FAM222B: variants seen among roughly 807,000 people sequenced by gnomAD.
FAM222B encodes protein FAM222B.
Under a neutral mutation model 38.0 loss-of-function variants are expected in FAM222B, and 12 were observed. The observed-to-expected ratio is 0.32, with a 90% CI of 0.20 to 0.51. The LOEUF is 0.51. Ranked by LOEUF, FAM222B falls within the 20% of genes least tolerant of loss-of-function variation. The pLI is 0.97. For synonymous variants in FAM222B, 329 were observed against 317.2 expected, an observed-to-expected ratio of 1.04 and a Z score of -0.40; for missense variants, 716 against 754.2, an observed-to-expected ratio of 0.95 and a Z score of 0.59.
chr17:28,813,050 GCGTTGGAGGCATGT>G (rs2037867615), intron 1 of FAM222B, among the ~76,000 whole-genome samples: 1 of 76,434 alleles, frequency 1.3e-5, no homozygotes, highest in African/African-American at 4.8e-5. Flanking sequence ...GGAGGGGGGG[GCGTTGGAGGCATGT>G]TGGGAAAGTA....
intron 1 of FAM222B, among the ~76,000 whole-genome samples, chr17:28,801,250 G>A (rs796739213): frequency 3.3e-5 from 5 of 149,366 alleles, no homozygotes; most frequent in African/African-American, 9.9e-5. Context: ...TCAGGAGATC[G>A]AGACCATCCT....
At chr17:28,774,072 C>T (rs940309059) in intron 1 of FAM222B, among the ~76,000 whole-genome samples, 4 of 152,054 alleles carry the variant, frequency 2.6e-5, no homozygotes, top group South Asian at 2.1e-4. Flanking sequence ...TGAGTGGAGG[C>T]ATTTTATTTA....
chr17:28,846,158 A>G (rs1242581743), upstream of FAM222B, among the ~76,000 whole-genome samples: 6 of 146,856 alleles, frequency 4.1e-5, no homozygotes. Context: ...AGCCGAGACC[A>G]TGCCACTGCA....
intron 1 of FAM222B, among the ~76,000 whole-genome samples, chr17:28,816,181 A>C (rs1238320774): frequency 6.7e-6 from 1 of 150,190 alleles, no homozygotes; most frequent in Non-Finnish European, 1.5e-5. Context: ...GGAGGCTGGG[A>C]CAGGAAAATT....
At chr17:28,760,664 C>A (rs774854758) in intron 2 of FAM222B, among the ~76,000 whole-genome samples, 29 of 152,094 alleles carry the variant, frequency 1.9e-4, no homozygotes, top group Admixed American at 1.2e-3. Flanking sequence ...CTAAGCAAAG[C>A]TCCTTGTCAG....
intron 1 of FAM222B, among the ~76,000 whole-genome samples, chr17:28,852,092 G>T (rs986134928): frequency 6.6e-6 from 1 of 151,892 alleles, no homozygotes; most frequent in Admixed American, 6.6e-5. Context: ...ACGTGGCCTG[G>T]CGCGGTGGCT....
At chr17:28,806,427 T>C (rs1212693610) in intron 1 of FAM222B, among the ~76,000 whole-genome samples, 3 of 152,254 alleles carry the variant, frequency 2.0e-5, no homozygotes, top group South Asian at 4.1e-4. Context: ...ACCAGCCCAG[T>C]ATTTCCTTCC....
At chr17:28,827,376 A>G (rs1051177048) in intron 1 of FAM222B, among the ~76,000 whole-genome samples, 3 of 152,124 alleles carry the variant, frequency 2.0e-5, no homozygotes, top group Non-Finnish European at 2.9e-5. Context: ...AAAAAGAAAA[A>G]GTGAAAAAGG....
chr17:28,842,269 T>G (rs549034026), intron 1 of FAM222B, among the ~76,000 whole-genome samples: 1 of 151,998 alleles, frequency 6.6e-6, no homozygotes, highest in South Asian at 2.1e-4. Context: ...CCGACTCCCA[T>G]CCTCTACCCA....
chr17:28,810,985 C>A (rs1367377987), intron 1 of FAM222B, among the ~76,000 whole-genome samples: 1 of 151,916 alleles, frequency 6.6e-6, no homozygotes, highest in East Asian at 1.9e-4. Context: ...ACCCCAGTTA[C>A]AACAATCGTG....
At chr17:28,841,167 C>T (rs2039024494) in intron 1 of FAM222B, among the ~76,000 whole-genome samples, 1 of 149,132 alleles carries the variant, frequency 6.7e-6, no homozygotes. Flanking sequence ...TGGTGGTGGG[C>T]ATTTGTAATC....
rs866302023 is a variant in FAM222B, at chr17:28,757,944, G to A, written c.*326C>T. On this transcript the variant is annotated 3_prime_UTR_variant, in exon 3 of 3. Coordinates refer to ENST00000581407, the MANE Select transcript of FAM222B (RefSeq NM_001077498.3). ...CATTCCGTCAGCCCACACCTCAGTC[G>A]TCCTAAGGGAAACAGGAAGAGATTC... The A allele has an allele frequency of 1.3e-4, 31 of 242,294 alleles. No individual in the cohort carries two copies. The highest frequency in any genetic ancestry group is 2.4e-4 in the South Asian group (3 of 12,674). The allele number at this position is 242,294 out of a possible 1,614,324, so 15.0% of individuals were successfully genotyped here. A position where few individuals can be genotyped will look rare whatever the true frequency, so the allele number is the denominator to read the frequency against.
At chr17:28,828,311 C>A (rs1473069164) in intron 1 of FAM222B, among the ~76,000 whole-genome samples, 1 of 151,260 alleles carries the variant, frequency 6.6e-6, no homozygotes, top group East Asian at 2.0e-4. Context: ...ACCTGCAACC[C>A]CAGCAGTTTG....
At chr17:28,800,095 G>A (rs542545313) in intron 1 of FAM222B, among the ~76,000 whole-genome samples, 1 of 151,148 alleles carries the variant, frequency 6.6e-6, no homozygotes, top group Non-Finnish European at 1.5e-5. Flanking sequence ...GCCATGGCAC[G>A]ATCTCGGCTC....
At chr17:28,815,439 C>T (rs1360148626) in intron 1 of FAM222B, among the ~76,000 whole-genome samples, 5 of 151,906 alleles carry the variant, frequency 3.3e-5, no homozygotes, top group South Asian at 2.1e-4. Flanking sequence ...TGATCTCGAT[C>T]TCTTGACCTC....
chr17:28,785,332 T>C (rs2036356053), intron 1 of FAM222B, among the ~76,000 whole-genome samples: 1 of 152,226 alleles, frequency 6.6e-6, no homozygotes. Context: ...ATGACTGTTA[T>C]CTATATTCTA....
chr17:28,786,490 A>G (rs886654696), intron 1 of FAM222B, among the ~76,000 whole-genome samples: 3 of 152,222 alleles, frequency 2.0e-5, no homozygotes, highest in Admixed American at 6.5e-5. Flanking sequence ...ATCCTAGCAC[A>G]GAAAACCCTT....
chr17:28,766,984 G>C, intron 1 of FAM222B: 1 of 307,508 alleles, frequency 3.3e-6, no homozygotes, highest in Non-Finnish European at 6.2e-6. Context: ...AAGTACAGGT[G>C]CATTTATAAT....
At chr17:28,783,276 A>C (rs775301318) in intron 1 of FAM222B, among the ~76,000 whole-genome samples, 4 of 152,176 alleles carry the variant, frequency 2.6e-5, no homozygotes, top group African/African-American at 7.2e-5. Context: ...TGTGGTAGCA[A>C]GGACAAGTCA....
Sources: gnomAD v4.1 joint callset for allele counts (sites outside exome capture counted in the v4.1 genomes callset) on GRCh38, gnomAD v4.1.1 for gene constraint, MANE v1.5 for transcripts, NCBI Gene and HGNC (gene_info 2026-07-23, HGNC 2026-07-21) for gene names.